The following DTX1 variants were observed in gnomAD, a reference collection of about 807,000 sequenced individuals.
The protein encoded by DTX1 is E3 ubiquitin-protein ligase DTX1.
Under a neutral mutation model 57.8 loss-of-function variants are expected in DTX1, and 26 were observed. The observed-to-expected ratio is 0.45, with a 90% CI of 0.33 to 0.62. The LOEUF (loss-of-function observed/expected upper bound fraction) is 0.62, where lower values mean the gene tolerates loss of function less well. Ranked by LOEUF, DTX1 falls within the 20% of genes least tolerant of loss-of-function variation. The pLI is 0.02. For missense variants in DTX1, 704 were observed against 895.3 expected, an observed-to-expected ratio of 0.79 and a Z score of 2.73; for synonymous variants, 398 against 394.1, an observed-to-expected ratio of 1.01 and a Z score of -0.12.
rs768619446 is a variant in DTX1, at chr12:113,077,646, G to T, written c.482G>T (p.Arg161Leu). 5 of 1,599,174 alleles carry T rather than the reference G, an allele frequency of 3.1e-6. No homozygotes were observed. Among genetic ancestry groups the T allele is most frequent in the Non-Finnish European group, 4.3e-6 (5 of 1,174,930 alleles). Residue 161 changes from arginine (R) to leucine (L), a missense_variant, in exon 3 of 10, where the codon CGC (arginine) becomes CTC (leucine). By Grantham distance (102) the Arg-to-Leu change is moderately radical. Transcript: ENST00000548759. This position sits in a 1 kb window ranked among gnomAD's most constrained non-coding sequence, Gnocchi z 7.8. ...TTCAACAGCATGTCGCAGATGAACC[G>T]CCAGACGCGCCGGCGCCGCCGCCTG... The part of the protein sequence containing the change: ...IYFNSMSQMN[R>L]QTRRRRRLRR...
intron 3 of DTX1, among the ~76,000 whole-genome samples, chr12:113,085,970 T>TA (rs1002835068): frequency 2.0e-5 from 3 of 152,004 alleles, no homozygotes; most frequent in Non-Finnish European, 4.4e-5. Flanking sequence ...GGAAGGAGGT[T>TA]AAAAAGCAAG....
At chr12:113,067,280 G>A (rs906710947) in intron 2 of DTX1, among the ~76,000 whole-genome samples, 1 of 151,928 alleles carries the variant, frequency 6.6e-6, no homozygotes, top group African/African-American at 2.4e-5. Flanking sequence ...CCTTCCCAGG[G>A]CCCTCCCCCT....
In DTX1 at chr12:113,077,920, CT is replaced by C; in HGVS notation, c.758del (p.Phe253SerfsTer53). The C allele has an allele frequency of 8.5e-7, 1 of 1,180,116 alleles. No homozygotes were observed. The highest frequency in any genetic ancestry group is 1.0e-6 in the Non-Finnish European group (1 of 957,544). 73.1% of individuals were successfully genotyped at this position (1,180,116 alleles called of 1,614,324 possible). ...GALAVRPSATFTGAALWAAPA... is the reference protein window; with the variant it reads ...GALAVRPSATXTGAALWAAPA... The stretch of plus-strand genomic sequence containing the variant: ...CGCTTGCCGTGCGCCCCAGCGCCAC[CT>C]TCACAGGCGCCGCGCTCTGGGCAGC... On this transcript the variant is annotated frameshift_variant, in exon 3 of 10. Coordinates refer to ENST00000548759, the MANE Select transcript of DTX1 (RefSeq NM_004416.3). LOFTEE classifies it high-confidence loss of function. This position sits in a 1 kb window ranked among gnomAD's most constrained non-coding sequence, Gnocchi z 7.8.
chr12:113,087,350 GA>G (rs1431153542), intron 3 of DTX1, among the ~76,000 whole-genome samples: 1 of 152,180 alleles, frequency 6.6e-6, no homozygotes, highest in African/African-American at 2.4e-5. Flanking sequence ...CTGGGGTAAG[GA>G]AAGGGGAAGT....
At chr12:113,066,421 G>A (rs569364920) in intron 2 of DTX1, among the ~76,000 whole-genome samples, 2 of 152,058 alleles carry the variant, frequency 1.3e-5, no homozygotes, top group East Asian at 1.9e-4. Flanking sequence ...CCAGCTACTC[G>A]GGAGGCCAAG....
At position 113,090,756 on chromosome 12, in the gene DTX1, G is replaced by A. The variant is rs143605977; in HGVS notation, c.942-2406G>A. ...CCACGTGATACTATCCTGTATAGCC[G>A]AGCAGCCACCAAGTGGGTGTGTGTG... On this transcript the variant is annotated intron_variant, in intron 3 of 9. Transcript: ENST00000548759. 2.7e-3 allele frequency among the ~76,000 whole-genome samples: 412 copies of A among 152,334 alleles called. 3 individuals carry two copies. Among genetic ancestry groups the A allele is most frequent in the Non-Finnish European group, 4.4e-3 (302 of 68,032 alleles).
Position 113,093,984 on chromosome 12 carries a change from C to G in DTX1, c.1166-54C>G. 1 of 1,554,916 alleles carries G rather than the reference C, an allele frequency of 6.4e-7. No individual in the cohort carries two copies. The highest frequency in any genetic ancestry group is 8.7e-7 in the Non-Finnish European group (1 of 1,147,340). ...ACCCCTGACCCAGTTCTGAGCCAAG[C>G]CTTCGGGGACAGACTCTGGGTACCC... On this transcript the variant is annotated intron_variant, in intron 5 of 9. Coordinates refer to ENST00000548759, the MANE Select transcript of DTX1 (RefSeq NM_004416.3). The surrounding 1 kb of genome is among the most constrained non-coding windows in gnomAD (Gnocchi z 4.2).
rs369010505 is a variant in DTX1, at chr12:113,094,023, G to A, written c.1166-15G>A. The A allele has an allele frequency of 8.0e-5, 126 of 1,569,960 alleles. No homozygotes were observed. The Middle Eastern group carries it at 1.0e-3, about 12-fold the overall frequency. ...CTCTGGGTACCCTCAAACCCACCCC[G>A]CTGTGTCCCTGCAGGTAAGAATCCC... On this transcript the variant is annotated splice_polypyrimidine_tract_variant and intron_variant, in intron 5 of 9. Transcript: ENST00000548759.
At chr12:113,083,810 A>G (rs970852163) in intron 3 of DTX1, among the ~76,000 whole-genome samples, 11 of 150,724 alleles carry the variant, frequency 7.3e-5, no homozygotes, top group African/African-American at 2.7e-4. Context: ...CCTTCTGTCC[A>G]CCCTCCTTCT....
At chr12:113,074,730 T>C (rs772719370) in intron 2 of DTX1, among the ~76,000 whole-genome samples, 4 of 152,140 alleles carry the variant, frequency 2.6e-5, no homozygotes, top group Non-Finnish European at 4.4e-5. Context: ...GCAGGAGAGA[T>C]AACATGGCGG....
chr12:113,083,763 C>G (rs1176201444), intron 3 of DTX1, among the ~76,000 whole-genome samples: 1 of 152,154 alleles, frequency 6.6e-6, no homozygotes, highest in Non-Finnish European at 1.5e-5. Context: ...TGTCTTCTGC[C>G]TTTTCCTCTT....
rs376848719 is a variant in DTX1, at chr12:113,081,216, A to G, written c.941+3111A>G. On this transcript the variant is annotated intron_variant, in intron 3 of 9. Coordinates refer to ENST00000548759, the MANE Select transcript of DTX1 (RefSeq NM_004416.3). ...AAATTAGCTGAGCATGGTGGTACAC[A>G]CCTGTAATCCCAGCTACTGGGAGGA... 2.6e-3 allele frequency among the ~76,000 whole-genome samples: 399 copies of G among 152,124 alleles called. 9 individuals carry two copies. The South Asian group carries it at 0.034, about 13-fold the overall frequency.
chr12:113,085,822 C>T (rs1399508275), intron 3 of DTX1, among the ~76,000 whole-genome samples: 2 of 151,928 alleles, frequency 1.3e-5, no homozygotes, highest in East Asian at 1.9e-4. Context: ...GAGACAAACA[C>T]GAAACAGAAT....
At chr12:113,090,960 G>A (rs141350877) in intron 3 of DTX1, among the ~76,000 whole-genome samples, 22 of 152,326 alleles carry the variant, frequency 1.4e-4, no homozygotes, top group African/African-American at 5.1e-4. Flanking sequence ...GAATCAGTAC[G>A]CACGAGTACT....
intron 2 of DTX1, among the ~76,000 whole-genome samples, chr12:113,074,706 C>G (rs1224124892): frequency 6.6e-6 from 1 of 152,186 alleles, no homozygotes; most frequent in Non-Finnish European, 1.5e-5. Flanking sequence ...CATGAGTCTA[C>G]TGCAATGGTC....
intron 2 of DTX1, among the ~76,000 whole-genome samples, chr12:113,068,978 G>T (rs1292612132): frequency 6.6e-6 from 1 of 152,196 alleles, no homozygotes; most frequent in Non-Finnish European, 1.5e-5. Context: ...GCTTCACTCA[G>T]TGTTTGTACA....
chr12:113,060,868 C>T (rs2044659448), intron 2 of DTX1, among the ~76,000 whole-genome samples: 1 of 152,138 alleles, frequency 6.6e-6, no homozygotes, highest in Non-Finnish European at 1.5e-5. Flanking sequence ...AGGTTCAGAG[C>T]TAATGCTGGG....
At chr12:113,094,971 G>T (rs768465173) in intron 7 of DTX1, 24 bp downstream of exon 7, 9 of 1,608,490 alleles carry the variant, frequency 5.6e-6, no homozygotes, top group Non-Finnish European at 6.0e-6. Context: ...GACAATGGCT[G>T]AGGAGTGGGC....
At chr12:113,072,691 A>ATTTTT (rs2044744388) in intron 2 of DTX1, among the ~76,000 whole-genome samples, 3 of 95,574 alleles carry the variant, frequency 3.1e-5, no homozygotes, top group African/African-American at 1.2e-4. Context: ...GACCTGAGAG[A>ATTTTT]TTTTCTTTTT....
Sources: gnomAD v4.1 joint callset for allele counts (sites outside exome capture counted in the v4.1 genomes callset) on GRCh38, gnomAD v4.1.1 for gene constraint, Gnocchi (gnomAD v3.1) non-coding constraint, MANE v1.5 for transcripts, NCBI Gene and HGNC (gene_info 2026-07-23, HGNC 2026-07-21) for gene names.